The following NOS1AP variants were observed in gnomAD, a reference collection of about 807,000 sequenced individuals.
NOS1AP encodes carboxyl-terminal PDZ ligand of neuronal nitric oxide synthase protein.
Under a neutral mutation model 56.2 loss-of-function variants are expected in NOS1AP, and 21 were observed. That is an observed-to-expected ratio of 0.37 (90% CI 0.26 to 0.54). The LOEUF (loss-of-function observed/expected upper bound fraction) is 0.54. Ranked by LOEUF, NOS1AP falls within the 20% of genes least tolerant of loss-of-function variation. NOS1AP has a pLI of 0.84. For missense variants in NOS1AP, 522 were observed against 657.8 expected (o/e 0.79, Z 2.26); for synonymous variants, 270 against 274.6 (o/e 0.98, Z 0.17).
At chr1:162,322,919 A>G (rs982610323) in intron 4 of NOS1AP, among the ~76,000 whole-genome samples, 1 of 152,224 alleles carries the variant, frequency 6.6e-6, no homozygotes, top group Non-Finnish European at 1.5e-5. Flanking sequence ...AATCAGGCAG[A>G]TGGTGCAGCA....
At position 162,081,772 on chromosome 1, in the gene NOS1AP, A is replaced by T. The variant is rs1339993197; in HGVS notation, c.105+11490A>T. Among the ~76,000 whole-genome samples the T allele has an allele frequency of 5.0e-3, 149 of 29,958 alleles. 8 individuals are homozygous for T. The highest frequency in any genetic ancestry group is 9.3e-3 in the African/African-American group (89 of 9,562). 19.7% of individuals were successfully genotyped at this position (29,958 alleles called of 152,430 possible). ...TATCTATAGATATATATATATATATATATTTTTTTTTTGTAGAGATGGGTT... is the reference window on the plus strand; with the variant it reads ...TATCTATAGATATATATATATATATTTATTTTTTTTTTGTAGAGATGGGTT... On this transcript the variant is annotated intron_variant, in intron 1 of 9. Transcript: ENST00000361897.
chr1:162,189,766 T>C (rs1310554840), intron 2 of NOS1AP, among the ~76,000 whole-genome samples: 1 of 152,166 alleles, frequency 6.6e-6, no homozygotes, highest in Non-Finnish European at 1.5e-5. Flanking sequence ...CGGAGAGTGA[T>C]TCTGGGGAAG....
At chr1:162,240,903 T>A (rs948183809) in intron 2 of NOS1AP, among the ~76,000 whole-genome samples, 5 of 151,656 alleles carry the variant, frequency 3.3e-5, no homozygotes, top group Admixed American at 1.3e-4. Flanking sequence ...CACAGTGGAG[T>A]AGGATAAATG....
chr1:162,153,340 G>C (rs988245951), intron 1 of NOS1AP, among the ~76,000 whole-genome samples: 4 of 152,084 alleles, frequency 2.6e-5, no homozygotes, highest in African/African-American at 9.7e-5. Flanking sequence ...TGTTGGCCAG[G>C]CTGGTCTCGA....
chr1:162,104,416 T>TA (rs1294375182), intron 1 of NOS1AP, among the ~76,000 whole-genome samples: 1 of 152,180 alleles, frequency 6.6e-6, no homozygotes, highest in African/African-American at 2.4e-5. Context: ...AGTATCTTAC[T>TA]AAGGTTCTCT....
Position 162,367,305 on chromosome 1 carries a change from G to A in NOS1AP, c.1359G>A (p.Glu453=). ...GCGAGGCGCTCCTGGGCGGTCTGGA[G>A]CTCATCAAGTTCCGAGAGTCAGGCA... is the stretch of plus-strand genomic sequence containing the variant. ...AQGEALLGGL[E]LIKFRESGIA... Residue 453 remains glutamate (E), a synonymous_variant, in exon 10 of 10, where the codon GAG becomes GAA. Transcript: ENST00000361897. This position sits in a 1 kb window ranked among gnomAD's most constrained non-coding sequence, Gnocchi z 6.5. The A allele has an allele frequency of 6.2e-7, 1 of 1,613,432 alleles. No homozygotes were observed. Among genetic ancestry groups the A allele is most frequent in the South Asian group, 1.1e-5 (1 of 91,078 alleles).
intron 2 of NOS1AP, among the ~76,000 whole-genome samples, chr1:162,193,480 G>A (rs937837155): frequency 1.3e-5 from 2 of 152,182 alleles, no homozygotes; most frequent in Non-Finnish European, 2.9e-5. Flanking sequence ...GAGTTAGAAA[G>A]GGAGCTAGAC....
At chr1:162,253,134 T>C (rs756147558) in intron 2 of NOS1AP, among the ~76,000 whole-genome samples, 7 of 152,270 alleles carry the variant, frequency 4.6e-5, no homozygotes, top group Admixed American at 6.5e-5. Flanking sequence ...ATTAATGTCA[T>C]TATGGAGGGA....
At chr1:162,302,486 AAG>A (rs1418908299) in intron 4 of NOS1AP, among the ~76,000 whole-genome samples, 1 of 152,174 alleles carries the variant, frequency 6.6e-6, no homozygotes, top group Non-Finnish European at 1.5e-5. Context: ...TTGTAAAAGG[AAG>A]AGTTTCTTGG....
chr1:162,314,329 A>G (rs2101770909), intron 4 of NOS1AP, among the ~76,000 whole-genome samples: 1 of 152,346 alleles, frequency 6.6e-6, no homozygotes, highest in East Asian at 1.9e-4. Context: ...TACACTAATG[A>G]TGGAAAATTA....
intron 2 of NOS1AP, among the ~76,000 whole-genome samples, chr1:162,198,434 T>C (rs1038505820): frequency 1.3e-5 from 2 of 152,162 alleles, no homozygotes; most frequent in African/African-American, 4.8e-5. Flanking sequence ...GTGGCAAGAT[T>C]CAATCCCTTG....
intron 2 of NOS1AP, among the ~76,000 whole-genome samples, chr1:162,268,753 A>C (rs1654497887): frequency 6.6e-6 from 1 of 152,174 alleles, no homozygotes; most frequent in Non-Finnish European, 1.5e-5. Context: ...TCAGAAATTA[A>C]AAATATATTC....
chr1:162,081,670 T>G (rs1469998259), intron 1 of NOS1AP, among the ~76,000 whole-genome samples: 1 of 148,690 alleles, frequency 6.7e-6, no homozygotes, highest in Non-Finnish European at 1.5e-5. Context: ...AGCTCAGCCT[T>G]TCAAGTAGCT....
Position 162,070,250 on chromosome 1 carries a change from G to T in NOS1AP, c.73G>T (p.Ala25Ser), listed in dbSNP as rs1212578730. 6.2e-7 allele frequency: 1 copy of T among 1,613,908 alleles called. No homozygotes were observed. The highest frequency in any genetic ancestry group is 8.5e-7 in the Non-Finnish European group (1 of 1,179,858). ...DLRIPLHNED[A>S]FQHGICFEAK... is the part of the protein sequence containing the mutation. Reference sequence around the variant, plus strand: ...GCGGATCCCCTTGCACAACGAGGACGCCTTCCAGCACGGCATCTGCTTTGA... The same window carrying T: ...GCGGATCCCCTTGCACAACGAGGACTCCTTCCAGCACGGCATCTGCTTTGA... The change falls in exon 1 of 10, where the codon GCC (alanine) becomes TCC (serine). Residue 25 changes from alanine (A) to serine (S), a missense_variant. Ala to Ser is a moderately conservative substitution (Grantham distance 99). Around this residue, in one of 4 missense-constraint regions of NOS1AP, gnomAD observed 132 missense variants for 218.1 expected, o/e 0.61. Coordinates refer to ENST00000361897, the MANE Select transcript of NOS1AP (RefSeq NM_014697.3).
At chr1:162,112,890 A>G (rs1044690150) in intron 1 of NOS1AP, among the ~76,000 whole-genome samples, 1 of 152,214 alleles carries the variant, frequency 6.6e-6, no homozygotes, top group African/African-American at 2.4e-5. Context: ...TGTTCTTTAT[A>G]ACAACTTTAT....
At chr1:162,311,870 A>C (rs1382566351) in intron 4 of NOS1AP, among the ~76,000 whole-genome samples, 1 of 134,790 alleles carries the variant, frequency 7.4e-6, no homozygotes, top group East Asian at 2.3e-4. Context: ...ACTGAGAATG[A>C]TGATTTCCAA....
At chr1:162,180,457 G>T (rs1651217062) in intron 2 of NOS1AP, among the ~76,000 whole-genome samples, 1 of 152,134 alleles carries the variant, frequency 6.6e-6, no homozygotes, top group South Asian at 2.1e-4. Context: ...TGTTAGCCAG[G>T]ATGGTCTCGA....
chr1:162,303,682 A>G (rs1377291672), intron 4 of NOS1AP, among the ~76,000 whole-genome samples: 1 of 151,970 alleles, frequency 6.6e-6, no homozygotes, highest in Non-Finnish European at 1.5e-5. Context: ...GCTCAAGCGA[A>G]CCTTCCATCT....
chr1:162,343,554 A>T (rs1440233422), intron 5 of NOS1AP, among the ~76,000 whole-genome samples: 1 of 152,222 alleles, frequency 6.6e-6, no homozygotes, highest in Non-Finnish European at 1.5e-5. Flanking sequence ...AAGCATATTG[A>T]CTACTTCTGT....
Sources: gnomAD v4.1 joint callset for allele counts (sites outside exome capture counted in the v4.1 genomes callset) on GRCh38, gnomAD v4.1.1 for gene constraint, gnomAD v4.1.1 regional missense constraint, Gnocchi (gnomAD v3.1) non-coding constraint, MANE v1.5 for transcripts, NCBI Gene and HGNC (gene_info 2026-07-23, HGNC 2026-07-21) for gene names.